The following DACH1 variants were observed in gnomAD, a reference collection of about 807,000 sequenced individuals.
The protein encoded by DACH1 is dachshund homolog 1.
A neutral mutation model predicts 54.2 loss-of-function variants in DACH1; 12 were observed. The observed-to-expected ratio is 0.22, with a 90% CI of 0.14 to 0.36. The LOEUF (loss-of-function observed/expected upper bound fraction) is 0.36. DACH1 is among the 10% of genes least tolerant of loss of function. The pLI is 1.00. For missense variants in DACH1, 805 were observed against 929.8 expected (o/e 0.87, Z 1.75); for synonymous variants, 386 against 366.2 (o/e 1.05, Z -0.62).
intron 4 of DACH1, among the ~76,000 whole-genome samples, chr13:71,565,970 C>G (rs1884870717): frequency 1.3e-5 from 2 of 152,246 alleles, no homozygotes; most frequent in Admixed American, 1.3e-4. Context: ...ACAATGAATA[C>G]TGGCGTCTTA....
intron 1 of DACH1, among the ~76,000 whole-genome samples, chr13:71,757,550 G>A (rs1885220884): frequency 6.9e-6 from 1 of 145,830 alleles, no homozygotes; most frequent in African/African-American, 2.6e-5. Context: ...TTGAGACAGA[G>A]TCTTGCTCTG....
At chr13:71,741,435 G>GT (rs1884381772) in intron 1 of DACH1, among the ~76,000 whole-genome samples, 1 of 152,094 alleles carries the variant, frequency 6.6e-6, no homozygotes, top group Non-Finnish European at 1.5e-5. Flanking sequence ...CTTCATTATG[G>GT]TTAAGGGGAA....
At chr13:71,738,094 A>G (rs753806426) in intron 1 of DACH1, among the ~76,000 whole-genome samples, 2 of 152,196 alleles carry the variant, frequency 1.3e-5, no homozygotes, top group African/African-American at 2.4e-5. Context: ...CATTCAAAGC[A>G]CGAGTTATTT....
At chr13:71,765,926 G>A (rs1303020619) in intron 1 of DACH1, among the ~76,000 whole-genome samples, 37 of 131,394 alleles carry the variant, frequency 2.8e-4, no homozygotes, top group African/African-American at 8.1e-4. Context: ...TCGCTCTGTC[G>A]CCCAGGCTGG....
chr13:71,641,767 T>A (rs1364609029), intron 2 of DACH1, among the ~76,000 whole-genome samples: 1 of 152,174 alleles, frequency 6.6e-6, no homozygotes, highest in Non-Finnish European at 1.5e-5. Context: ...AGTTACTTAA[T>A]TCTTTGAGTG....
At chr13:71,697,760 A>T (rs2138741188) in intron 1 of DACH1, among the ~76,000 whole-genome samples, 1 of 152,304 alleles carries the variant, frequency 6.6e-6, no homozygotes, top group East Asian at 1.9e-4. Context: ...ATTCTTTCTT[A>T]TATATTCATG....
intron 3 of DACH1, among the ~76,000 whole-genome samples, chr13:71,573,768 CA>C: frequency 6.6e-6 from 1 of 152,026 alleles, no homozygotes; most frequent in East Asian, 1.9e-4. Flanking sequence ...TATAGGATCT[CA>C]AAATTAAAAA....
intron 3 of DACH1, among the ~76,000 whole-genome samples, chr13:71,627,481 C>T (rs1048321923): frequency 6.6e-6 from 1 of 151,962 alleles, no homozygotes; most frequent in East Asian, 1.9e-4. Flanking sequence ...TTAAGTAGCA[C>T]CCCTCTGAAG....
intron 3 of DACH1, among the ~76,000 whole-genome samples, chr13:71,625,614 T>C (rs1275834380): frequency 1.3e-5 from 2 of 151,986 alleles, no homozygotes; most frequent in African/African-American, 4.8e-5. Flanking sequence ...AGGTGACGGC[T>C]TTATTCTCAA....
chr13:71,493,586 T>A (rs983815411), intron 6 of DACH1, among the ~76,000 whole-genome samples: 2 of 152,170 alleles, frequency 1.3e-5, no homozygotes, highest in African/African-American at 4.8e-5. Flanking sequence ...CTGGCAAATA[T>A]AATAAAAATA....
intron 6 of DACH1, among the ~76,000 whole-genome samples, chr13:71,533,056 T>C (rs1432399479): frequency 2.0e-5 from 3 of 151,906 alleles, no homozygotes; most frequent in South Asian, 4.1e-4. Context: ...TAAACCACTT[T>C]ACTTTTAGAA....
intron 2 of DACH1, among the ~76,000 whole-genome samples, chr13:71,636,868 T>C (rs1877523741): frequency 6.6e-6 from 1 of 152,200 alleles, no homozygotes; most frequent in Non-Finnish European, 1.5e-5. Context: ...GCTTGTCATA[T>C]TACTATCTGA....
At chr13:71,749,200 T>C (rs1884811390) in intron 1 of DACH1, among the ~76,000 whole-genome samples, 1 of 151,880 alleles carries the variant, frequency 6.6e-6, no homozygotes, top group African/African-American at 2.4e-5. Context: ...GCCAGGCTGG[T>C]CTCGAACTCC....
chr13:71,466,133 T>C (rs1395527714), intron 10 of DACH1, among the ~76,000 whole-genome samples: 1 of 152,192 alleles, frequency 6.6e-6, no homozygotes, highest in Non-Finnish European at 1.5e-5. Context: ...GGATCACTTG[T>C]GAATTTCACC....
intron 1 of DACH1, among the ~76,000 whole-genome samples, chr13:71,824,553 G>A (rs1888310326): frequency 1.5e-5 from 2 of 131,254 alleles, no homozygotes; most frequent in African/African-American, 2.5e-5. Flanking sequence ...AAAAATAAAT[G>A]AATGAATGAG....
chr13:71,829,459 C>T (rs1363886499), intron 1 of DACH1, among the ~76,000 whole-genome samples: 2 of 151,936 alleles, frequency 1.3e-5, no homozygotes, highest in African/African-American at 2.4e-5. Context: ...TAAGTACGTA[C>T]TGGGAATAAA....
intron 1 of DACH1, among the ~76,000 whole-genome samples, chr13:71,786,268 A>C (rs898391554): frequency 1.3e-5 from 2 of 152,136 alleles, no homozygotes; most frequent in Non-Finnish European, 2.9e-5. Context: ...AACAATAAAC[A>C]TGCCTTGTGT....
At chr13:71,793,991 TG>T (rs1435562000) in intron 1 of DACH1, among the ~76,000 whole-genome samples, 1 of 152,184 alleles carries the variant, frequency 6.6e-6, no homozygotes, top group African/African-American at 2.4e-5. Context: ...CAATATGTTT[TG>T]AGACTTTATA....
intron 6 of DACH1, among the ~76,000 whole-genome samples, chr13:71,500,937 C>T (rs1397669072): frequency 6.6e-6 from 1 of 151,910 alleles, no homozygotes; most frequent in Non-Finnish European, 1.5e-5. Context: ...ATCATAGGAC[C>T]ACAGACCCCT....
Sources: gnomAD v4.1 joint callset for allele counts (sites outside exome capture counted in the v4.1 genomes callset) on GRCh38, gnomAD v4.1.1 for gene constraint, MANE v1.5 for transcripts, NCBI Gene and HGNC (gene_info 2026-07-23, HGNC 2026-07-21) for gene names.